The following FYB1 variants were observed in gnomAD, a reference collection of about 807,000 sequenced individuals.
The protein encoded by FYB1 is FYN-binding protein 1.
FYB1 carries 41 observed loss-of-function variants against 94.1 expected under a neutral mutation model. The observed-to-expected ratio is 0.44, with a 90% CI of 0.34 to 0.57. The LOEUF (loss-of-function observed/expected upper bound fraction) is 0.57. Ranked by LOEUF, FYB1 falls within the 20% of genes least tolerant of loss-of-function variation. The pLI, the probability that FYB1 is intolerant of heterozygous loss-of-function variation, is 0.02. For synonymous variants in FYB1, 367 were observed against 353.2 expected, an observed-to-expected ratio of 1.04 and a Z score of -0.44; for missense variants, 1,050 against 976.8, an observed-to-expected ratio of 1.07 and a Z score of -1.00.
chr5:39,249,183 G>A (rs1751611161), intron 1 of FYB1, among the ~76,000 whole-genome samples: 1 of 152,070 alleles, frequency 6.6e-6, no homozygotes, highest in African/African-American at 2.4e-5. Context: ...GCTATAGCAA[G>A]AGCCAAACCT....
intron 2 of FYB1, chr5:39,170,237 T>G: frequency 1.0e-6 from 1 of 957,188 alleles, no homozygotes. Flanking sequence ...ATGTTGCTGG[T>G]GGTGGTGTCT....
chr5:39,212,535 TCTC>T (rs1181874665), intron 1 of FYB1: 3 of 152,150 alleles, frequency 2.0e-5, no homozygotes, highest in Non-Finnish European at 4.4e-5. Flanking sequence ...TTCCATTTCT[TCTC>T]CTTTAGAGCT....
At chr5:39,148,809 A>G (rs1437084673) in intron 3 of FYB1, among the ~76,000 whole-genome samples, 1 of 152,136 alleles carries the variant, frequency 6.6e-6, no homozygotes, top group African/African-American at 2.4e-5. Context: ...TTCTAACCTT[A>G]GTCACTTCCC....
chr5:39,252,218 T>C (rs1002244056), intron 1 of FYB1, among the ~76,000 whole-genome samples: 3 of 149,406 alleles, frequency 2.0e-5, no homozygotes, highest in Non-Finnish European at 4.5e-5. Flanking sequence ...CAAAACAGAG[T>C]CATAATGTGT....
At chr5:39,240,797 C>T (rs952099648) in intron 1 of FYB1, among the ~76,000 whole-genome samples, 16 of 152,186 alleles carry the variant, frequency 1.1e-4, no homozygotes, top group Middle Eastern at 3.4e-3. Context: ...AAGTATCATT[C>T]GATTCAGCAA....
chr5:39,220,513 C>A (rs1315857210), upstream of FYB1, among the ~76,000 whole-genome samples: 3 of 151,192 alleles, frequency 2.0e-5, no homozygotes, highest in Non-Finnish European at 4.4e-5. Flanking sequence ...AAAGAAAAGA[C>A]AAGAAAAGAA....
At chr5:39,118,137 C>T (rs1739741358) in intron 16 of FYB1, among the ~76,000 whole-genome samples, 1 of 152,102 alleles carries the variant, frequency 6.6e-6, no homozygotes, top group African/African-American at 2.4e-5. Context: ...CTCCTGAGCT[C>T]AAGCAATCAT....
At chr5:39,206,593 A>G (rs1398277368) in intron 1 of FYB1, among the ~76,000 whole-genome samples, 2 of 152,174 alleles carry the variant, frequency 1.3e-5, no homozygotes, top group African/African-American at 4.8e-5. Context: ...TTAGTTCCCC[A>G]GTTCTAGGCT....
chr5:39,255,777 G>T (rs761404605), intron 1 of FYB1, among the ~76,000 whole-genome samples: 24 of 152,180 alleles, frequency 1.6e-4, no homozygotes, highest in Admixed American at 3.9e-4. Flanking sequence ...AACATAAAAA[G>T]CAGGCTTGTG....
At chr5:39,256,941 T>G (rs1751967741) in intron 1 of FYB1, among the ~76,000 whole-genome samples, 1 of 152,242 alleles carries the variant, frequency 6.6e-6, no homozygotes, top group Non-Finnish European at 1.5e-5. Flanking sequence ...GTCCATACCT[T>G]GAAAAGTCAA....
chr5:39,158,529 G>T (rs1377357783), intron 2 of FYB1, among the ~76,000 whole-genome samples: 1 of 152,200 alleles, frequency 6.6e-6, no homozygotes, highest in East Asian at 1.9e-4. Context: ...CCCAACGAGG[G>T]TGGTGGTATA....
chr5:39,259,010 A>G (rs1285412750), intron 1 of FYB1, among the ~76,000 whole-genome samples: 1 of 152,132 alleles, frequency 6.6e-6, no homozygotes, highest in Non-Finnish European at 1.5e-5. Context: ...ACTAAATCGT[A>G]TGTTGCTGAG....
intron 2 of FYB1, among the ~76,000 whole-genome samples, chr5:39,183,514 G>A (rs2150432578): frequency 6.6e-6 from 1 of 152,280 alleles, no homozygotes; most frequent in East Asian, 1.9e-4. Flanking sequence ...ACTGCCAAAT[G>A]CTAGCTCTAG....
intron 1 of FYB1, among the ~76,000 whole-genome samples, chr5:39,240,504 G>T (rs1751157119): frequency 1.3e-5 from 2 of 152,042 alleles, no homozygotes; most frequent in African/African-American, 4.8e-5. Context: ...TAAAAAGTGG[G>T]CAAAGGACAT....
chr5:39,255,107 A>AT (rs1242188257), intron 1 of FYB1, among the ~76,000 whole-genome samples: 2 of 152,116 alleles, frequency 1.3e-5, no homozygotes, highest in African/African-American at 4.8e-5. Context: ...CATGCATCTC[A>AT]TTTTTACAAG....
intron 2 of FYB1, among the ~76,000 whole-genome samples, chr5:39,176,813 T>C (rs1735882121): frequency 6.6e-6 from 1 of 152,222 alleles, no homozygotes. Context: ...ATGTGCTAGT[T>C]ATTTGGTGTG....
At chr5:39,182,287 ATGTGTGTGTGTGTGTG>A (rs57111701) in intron 2 of FYB1, among the ~76,000 whole-genome samples, 1,565 of 140,258 alleles carry the variant, frequency 0.011, 20 homozygotes, top group East Asian at 0.021. Flanking sequence ...GTGTGCATGC[ATGTGTGTGTGTGTGTG>A]TGTGTGTGTG....
intron 1 of FYB1, among the ~76,000 whole-genome samples, chr5:39,266,206 A>G (rs994463517): frequency 6.6e-6 from 1 of 152,202 alleles, no homozygotes; most frequent in African/African-American, 2.4e-5. Context: ...GGGCAGATAA[A>G]GTAGAATTCT....
At position 39,237,559 on chromosome 5, in the gene FYB1, T is replaced by C. The variant is rs116321116; in HGVS notation, c.-27-34572A>G. On this transcript the variant is annotated intron_variant, in intron 1 of 1. Transcript: ENST00000510188. ...ATCATTTCTTGCATAGGCTATAATA[T>C]AAAAATTTCTGATAATCACTGAACT... Among the ~76,000 whole-genome samples, 1,168 of 152,098 alleles carry C rather than the reference T, an allele frequency of 7.7e-3. 25 individuals carry two copies. Among genetic ancestry groups the C allele is most frequent in the African/African-American group, 0.027 (1,108 of 41,504 alleles).
Sources: gnomAD v4.1 joint callset for allele counts (sites outside exome capture counted in the v4.1 genomes callset) on GRCh38, gnomAD v4.1.1 for gene constraint, MANE v1.5 for transcripts, NCBI Gene and HGNC (gene_info 2026-07-23, HGNC 2026-07-21) for gene names.